Variants in DSCAM observed in about 807,000 individuals in gnomAD.
DSCAM encodes cell adhesion molecule DSCAM.
A neutral mutation model predicts 217.7 loss-of-function variants in DSCAM; 47 were observed. That is an observed-to-expected ratio of 0.22 (90% CI 0.17 to 0.28). The LOEUF (loss-of-function observed/expected upper bound fraction) is 0.28, where lower values mean the gene tolerates loss of function less well. Among genes scored for constraint, DSCAM ranks in the 10% least tolerant of loss-of-function variants. The pLI is 1.00. For synonymous variants in DSCAM, 1,056 were observed against 1,015.3 expected, an observed-to-expected ratio of 1.04 and a Z score of -0.76; for missense variants, 2,080 against 2,618.3, an observed-to-expected ratio of 0.79 and a Z score of 4.49.
At chr21:40,770,985 A>T (rs2091439188) in intron 1 of DSCAM, among the ~76,000 whole-genome samples, 1 of 152,188 alleles carries the variant, frequency 6.6e-6, no homozygotes, top group African/African-American at 2.4e-5. Context: ...TTAGAATGAA[A>T]GAAAGAAAGC....
At chr21:40,128,274 A>G (rs1371820680) in intron 19 of DSCAM, among the ~76,000 whole-genome samples, 4 of 149,480 alleles carry the variant, frequency 2.7e-5, no homozygotes, top group African/African-American at 9.9e-5. Context: ...AAATGATTTC[A>G]TTCGTGTCTG....
rs1184120197 is a variant in DSCAM at position 40,745,315 on chromosome 21, CCAAT to C, written c.44-36548_44-36545del. On this transcript the variant is annotated intron_variant, in intron 1 of 32. Coordinates refer to ENST00000400454, the MANE Select transcript of DSCAM (RefSeq NM_001389.5). ...CCAAGTATAAAAAGCTCAGAGATCA[CCAAT>C]CAAATTCAACCCAAAGAGAAATTAA... Among the ~76,000 whole-genome samples, 4 of 152,178 alleles carry C rather than the reference CCAAT, an allele frequency of 2.6e-5. No homozygotes were observed. The East Asian group carries it at 5.8e-4, about 22-fold the overall frequency.
chr21:40,167,239 C>T lies in DSCAM; in HGVS notation c.2997G>A (p.Gln999=), dbSNP rs988685169. Residue 999 remains glutamine (Q), a synonymous_variant, in exon 16 of 33, where the codon CAG becomes CAA. Coordinates refer to ENST00000400454, the MANE Select transcript of DSCAM (RefSeq NM_001389.5). ...TTACCTTCCATGTGACCCTGATGCT[C>T]TGAGATGATATAGGCTCCAGGTGAA... The part of the protein sequence containing the change: ...QEVHLEPISS[Q]SIRVTWKAPK... The T allele has an allele frequency of 6.2e-7, 1 of 1,613,886 alleles. No individual in the cohort carries two copies. Among genetic ancestry groups the T allele is most frequent in the Non-Finnish European group, 8.5e-7 (1 of 1,179,986 alleles).
At chr21:40,761,588 G>A (rs1463860478) in intron 1 of DSCAM, among the ~76,000 whole-genome samples, 1 of 152,128 alleles carries the variant, frequency 6.6e-6, no homozygotes, top group Non-Finnish European at 1.5e-5. Flanking sequence ...CTTGGACTTG[G>A]AGCCTACAGA....
chr21:40,314,663 C>T (rs2074176841), intron 8 of DSCAM, among the ~76,000 whole-genome samples: 2 of 152,260 alleles, frequency 1.3e-5, no homozygotes, highest in Admixed American at 6.5e-5. Flanking sequence ...ATTTCCTCCC[C>T]TTTGATTTCC....
intron 11 of DSCAM, among the ~76,000 whole-genome samples, chr21:40,231,796 C>T (rs1429954866): frequency 2.6e-5 from 4 of 152,198 alleles, no homozygotes; most frequent in African/African-American, 9.6e-5. Flanking sequence ...AGCCACCCAG[C>T]CTGGCCTCCA....
chr21:40,613,798 G>T (rs1460230368), intron 3 of DSCAM, among the ~76,000 whole-genome samples: 1 of 148,892 alleles, frequency 6.7e-6, no homozygotes, highest in Non-Finnish European at 1.5e-5. Flanking sequence ...TAATTTAGCA[G>T]AGAAGGAAAA....
chr21:40,400,786 C>A (rs1338752755), intron 3 of DSCAM, among the ~76,000 whole-genome samples: 1 of 152,086 alleles, frequency 6.6e-6, no homozygotes, highest in Non-Finnish European at 1.5e-5. Flanking sequence ...AATTGATTGC[C>A]CTATCTTGAG....
At chr21:40,522,773 G>C (rs924453473) in intron 3 of DSCAM, among the ~76,000 whole-genome samples, 20 of 152,164 alleles carry the variant, frequency 1.3e-4, no homozygotes, top group Non-Finnish European at 2.4e-4. Flanking sequence ...AAATCTTCCT[G>C]TTTCCATTCG....
At chr21:40,150,420 G>A (rs1426263372) in intron 16 of DSCAM, among the ~76,000 whole-genome samples, 1 of 152,172 alleles carries the variant, frequency 6.6e-6, no homozygotes, top group African/African-American at 2.4e-5. Context: ...TTAATTTGTA[G>A]ATAGACTAGT....
intron 28 of DSCAM, among the ~76,000 whole-genome samples, chr21:40,059,641 A>G (rs537122557): frequency 3.3e-5 from 5 of 152,364 alleles, no homozygotes; most frequent in Non-Finnish European, 5.9e-5. Flanking sequence ...TGTTACATCC[A>G]TTTAGAACAC....
chr21:40,080,124 T>A (rs538385532), intron 25 of DSCAM, 28 bp downstream of exon 25: 1 of 1,191,026 alleles, frequency 8.4e-7, no homozygotes, highest in Non-Finnish European at 1.1e-6. Flanking sequence ...AGAAAGGATA[T>A]TAAGAAGCGA....
chr21:40,682,576 G>A (rs2090414002), intron 3 of DSCAM, among the ~76,000 whole-genome samples: 1 of 61,514 alleles, frequency 1.6e-5, no homozygotes, highest in African/African-American at 5.3e-5. Context: ...AATAAAGGTA[G>A]AAGAGAGAAA....
intron 1 of DSCAM, among the ~76,000 whole-genome samples, chr21:40,764,340 A>AC (rs2091366151): frequency 6.6e-6 from 1 of 150,440 alleles, no homozygotes; most frequent in African/African-American, 2.4e-5. Context: ...AAAAAAAAAA[A>AC]ATGAAAAAAA....
rs888706059 is a variant in DSCAM, at chr21:40,420,720, G to T, written c.509-51475C>A. Among the ~76,000 whole-genome samples, 35 of 152,114 alleles carry T rather than the reference G, an allele frequency of 2.3e-4. 1 individual carries two copies. Among genetic ancestry groups the T allele is most frequent in the African/African-American group, 8.0e-4 (33 of 41,392 alleles). On this transcript the variant is annotated intron_variant, in intron 3 of 32. Coordinates refer to ENST00000400454, the MANE Select transcript of DSCAM (RefSeq NM_001389.5). ...GTATCTTTATACAAAGGGGGAATTT[G>T]GACACAAACGGACATACAAGAATGC...
chr21:40,690,123 C>A (rs2090523543), intron 3 of DSCAM, among the ~76,000 whole-genome samples: 4 of 152,208 alleles, frequency 2.6e-5, no homozygotes, highest in Admixed American at 2.6e-4. Flanking sequence ...ACCTCCTGAG[C>A]ATGGTTTATT....
At chr21:40,467,588 C>T (rs185703978) in intron 3 of DSCAM, among the ~76,000 whole-genome samples, 175 of 152,204 alleles carry the variant, frequency 1.1e-3, no homozygotes, top group African/African-American at 4.0e-3. Flanking sequence ...GAAGAATCAA[C>T]ACTTTTATAC....
At chr21:40,213,565 T>C (rs1185163662) in intron 11 of DSCAM, among the ~76,000 whole-genome samples, 1 of 152,220 alleles carries the variant, frequency 6.6e-6, no homozygotes, top group Non-Finnish European at 1.5e-5. Context: ...AAATTCTAAT[T>C]TAAATTATTA....
At position 40,048,621 on chromosome 21, in the gene DSCAM, T is replaced by A. The variant is rs562809271; in HGVS notation, c.5185+3337A>T. Among the ~76,000 whole-genome samples, 98 of 152,354 alleles carry A rather than the reference T, an allele frequency of 6.4e-4. 2 individuals carry two copies. The South Asian group carries it at 0.02, about 31-fold the overall frequency. On this transcript the variant is annotated intron_variant, in intron 30 of 32. Coordinates refer to ENST00000400454, the MANE Select transcript of DSCAM (RefSeq NM_001389.5). ...TGGTATGCAAGCAACATGTTTTAGA[T>A]GCTTTTCTTAAAAATAAAGAATTCT...
Sources: gnomAD v4.1 joint callset for allele counts (sites outside exome capture counted in the v4.1 genomes callset) on GRCh38, gnomAD v4.1.1 for gene constraint, MANE v1.5 for transcripts, NCBI Gene and HGNC (gene_info 2026-07-23, HGNC 2026-07-21) for gene names.